Variants in SLC6A13 observed in about 807,000 individuals in gnomAD.
The protein encoded by SLC6A13 is solute carrier family 6 member 13.
Under a neutral mutation model 72.9 loss-of-function variants are expected in SLC6A13, and 69 were observed. The observed-to-expected ratio is 0.95, with a 90% CI of 0.78 to 1.16. The LOEUF (loss-of-function observed/expected upper bound fraction) is 1.16, where lower values mean the gene tolerates loss of function less well. SLC6A13 is among the 50% of genes most tolerant of loss of function. SLC6A13 has a pLI of 0.00. For missense variants in SLC6A13, 735 were observed against 760.5 expected (o/e 0.97, Z 0.39); for synonymous variants, 303 against 303.0 (o/e 1.00, Z 0.00).
Position 259,936 on chromosome 12 carries a change from C to T in SLC6A13, c.117G>A (p.Met39Ile). 6.2e-7 allele frequency: 1 copy of T among 1,614,232 alleles called. No individual in the cohort carries two copies. Among genetic ancestry groups the T allele is most frequent in the Middle Eastern group, 1.6e-4 (1 of 6,062 alleles). The change falls in exon 2 of 15, where the codon ATG (methionine) becomes ATA (isoleucine). Residue 39 changes from methionine (M) to isoleucine (I), a missense_variant. Transcript: ENST00000343164. ...CCCCAGCCACTGACAGCACAAACTC[C>T]ATCTTGTTGTTCCAGTGCCCCCGCT... ...TLERGHWNNKMEFVLSVAGEI... is the reference protein window; with the variant it reads ...TLERGHWNNKIEFVLSVAGEI...
rs755616427 is a variant in SLC6A13 at position 259,956 on chromosome 12, C to G, written c.97G>C (p.Gly33Arg). 2 of 1,614,180 alleles carry G rather than the reference C, an allele frequency of 1.2e-6. No individual in the cohort carries two copies. Among genetic ancestry groups the G allele is most frequent in the East Asian group, 4.5e-5 (2 of 44,888 alleles). ...KKEEDGTLERGHWNNKMEFVL... is the reference protein window; with the variant it reads ...KKEEDGTLERRHWNNKMEFVL... The stretch of plus-strand genomic sequence containing the variant: ...AACTCCATCTTGTTGTTCCAGTGCC[C>G]CCGCTCCAGGGTGCCATCTTCCTCC... Residue 33 changes from glycine to arginine, a missense_variant, in exon 2 of 15, where the codon GGG becomes CGG. Transcript: ENST00000343164.
At chr12:242,378 A>G (rs1942196851) in intron 4 of SLC6A13, among the ~76,000 whole-genome samples, 1 of 152,270 alleles carries the variant, frequency 6.6e-6, no homozygotes, top group Admixed American at 6.5e-5. Flanking sequence ...GCAAATGGCT[A>G]AACAACATAA....
intron 13 of SLC6A13, among the ~76,000 whole-genome samples, chr12:222,123 T>C (rs925086711): frequency 1.3e-5 from 2 of 152,328 alleles, no homozygotes; most frequent in Non-Finnish European, 1.5e-5. Flanking sequence ...GCACTTCCTT[T>C]ATGGGACTCT....
chr12:241,875 C>T (rs531262235), intron 4 of SLC6A13, among the ~76,000 whole-genome samples: 26 of 152,360 alleles, frequency 1.7e-4, no homozygotes, highest in Admixed American at 5.2e-4. Flanking sequence ...AACAGTGGAT[C>T]ACCTGTATGG....
chr12:230,047 T>TCC (rs1025101243), intron 7 of SLC6A13, among the ~76,000 whole-genome samples: 9 of 151,996 alleles, frequency 5.9e-5, no homozygotes, highest in African/African-American at 1.9e-4. Flanking sequence ...AAGCCCCAGC[T>TCC]CCCCACACAG....
Position 261,027 on chromosome 12 carries a change from G to A in SLC6A13, c.-5-970C>T, listed in dbSNP as rs553310529. 2.6e-4 allele frequency among the ~76,000 whole-genome samples: 40 copies of A among 152,306 alleles called. 1 individual carries two copies. The highest frequency in any genetic ancestry group is 1.4e-3 in the Admixed American group (21 of 15,306). ...CCTTCTATGTCTCTCTGAAATCAGC[G>A]TAAGGCAGAGATTTACTATGCGCTC... On this transcript the variant is annotated intron_variant, in intron 1 of 14. Transcript: ENST00000343164.
Position 231,328 on chromosome 12 carries a change from G to A in SLC6A13, c.832-3660C>T, listed in dbSNP as rs188142998. On this transcript the variant is annotated intron_variant, in intron 7 of 14. Coordinates refer to ENST00000343164, the MANE Select transcript of SLC6A13 (RefSeq NM_016615.5). ...TGTCTCTGCCTGGCTCCCCACAACCGGCCTCAGTGCTTGGCAGAGAGATGC... is the reference window on the plus strand; with the variant it reads ...TGTCTCTGCCTGGCTCCCCACAACCAGCCTCAGTGCTTGGCAGAGAGATGC... Among the ~76,000 whole-genome samples, 28 of 152,318 alleles carry A rather than the reference G, an allele frequency of 1.8e-4. No individual in the cohort carries two copies. In the East Asian group the frequency reaches 2.5e-3, roughly 14 times the overall value.
chr12:223,562 T>C (rs555077897), intron 11 of SLC6A13, among the ~76,000 whole-genome samples: 5 of 152,362 alleles, frequency 3.3e-5, no homozygotes, highest in African/African-American at 7.2e-5. Context: ...AGGGCTGTCA[T>C]TGATACTGTC....
chr12:257,954 T>A (rs1276654334), intron 2 of SLC6A13, among the ~76,000 whole-genome samples: 1 of 152,220 alleles, frequency 6.6e-6, no homozygotes, highest in Non-Finnish European at 1.5e-5. Flanking sequence ...GGAGCTAAGC[T>A]GGTTACCAGG....
chr12:220,863 G>C lies in SLC6A13; in HGVS notation c.*85C>G. On this transcript the variant is annotated 3_prime_UTR_variant, in exon 15 of 15. Transcript: ENST00000343164. ...TTATCCACTCCAGGTCGGGGGCAGG[G>C]AAGCACATGGGGCTGCTTCTGCCAC... is the stretch of plus-strand genomic sequence containing the variant. 1 of 1,550,776 alleles carries C rather than the reference G, an allele frequency of 6.4e-7. No homozygotes were observed. The highest frequency in any genetic ancestry group is 8.7e-7 in the Non-Finnish European group (1 of 1,143,146).
At chr12:228,783 C>T (rs1941581891) in intron 7 of SLC6A13, among the ~76,000 whole-genome samples, 1 of 152,184 alleles carries the variant, frequency 6.6e-6, no homozygotes, top group African/African-American at 2.4e-5. Flanking sequence ...GCAGGCTGAC[C>T]ACCTCAGAAT....
chr12:226,385 C>T lies in SLC6A13; in HGVS notation c.1060+5G>A. ...CTGCCTCCAGGCCTCCCCAGTAACACTCACCTGACTCGGCCACCTCAGAAA... is the reference window on the plus strand; with the variant it reads ...CTGCCTCCAGGCCTCCCCAGTAACATTCACCTGACTCGGCCACCTCAGAAA... On this transcript the variant is annotated splice_donor_5th_base_variant and intron_variant, in intron 9 of 14. Coordinates refer to ENST00000343164, the MANE Select transcript of SLC6A13 (RefSeq NM_016615.5). 1 of 1,613,842 alleles carries T rather than the reference C, an allele frequency of 6.2e-7. No individual in the cohort carries two copies. The highest frequency in any genetic ancestry group is 8.5e-7 in the Non-Finnish European group (1 of 1,179,772).
chr12:241,704 A>C (rs1942173878), intron 4 of SLC6A13, among the ~76,000 whole-genome samples: 1 of 152,254 alleles, frequency 6.6e-6, no homozygotes, highest in South Asian at 2.1e-4. Flanking sequence ...GAACATTTTC[A>C]TCATTACAGA....
intron 11 of SLC6A13, 29 bp from the exon 12 acceptor site, chr12:223,263 A>C (rs1257429197): frequency 6.8e-7 from 1 of 1,478,240 alleles, no homozygotes; most frequent in African/African-American, 1.4e-5. Context: ...TTTTAAAAAG[A>C]AGTTTATCCA....
intron 8 of SLC6A13, 173 bp downstream of exon 8, chr12:227,392 C>T (rs1941504728): frequency 1.5e-6 from 1 of 677,378 alleles, no homozygotes; most frequent in Admixed American, 6.3e-5. Context: ...CTCTGTCCAT[C>T]TTGCAGTTGG....
At chr12:240,206 A>G (rs2137292580) in intron 4 of SLC6A13, among the ~76,000 whole-genome samples, 1 of 152,290 alleles carries the variant, frequency 6.6e-6, no homozygotes, top group African/African-American at 2.4e-5. Context: ...AAGTATAATA[A>G]AACAGATTTT....
chr12:226,412 G>C lies in SLC6A13; in HGVS notation c.1038C>G (p.Pro346=), dbSNP rs76709380. The part of the protein sequence containing the change: ...LGFMSQEQGV[P]ISEVAESGPG... ...CACCTGACTCGGCCACCTCAGAAAT[G>C]GGCACCCCCTGCTCCTGAGACATGA... Residue 346 remains proline (P), a synonymous_variant, in exon 9 of 15, where the codon CCC becomes CCG. Transcript: ENST00000343164. 9.9e-4 allele frequency: 1,600 copies of C among 1,614,046 alleles called. 9 individuals are homozygous for C. The highest frequency in any genetic ancestry group is 7.9e-3 in the African/African-American group (596 of 75,036).
chr12:260,155 T>C (rs1942881651), intron 1 of SLC6A13, 98 bp from the exon 2 acceptor site: 2 of 1,299,498 alleles, frequency 1.5e-6, no homozygotes. Flanking sequence ...ATGAATGCAC[T>C]GGAAGAGGTG....
At chr12:236,316 C>T (rs1038858302) in intron 6 of SLC6A13, among the ~76,000 whole-genome samples, 2 of 152,210 alleles carry the variant, frequency 1.3e-5, no homozygotes, top group South Asian at 2.1e-4. Context: ...AGGTGGGCAT[C>T]GTGGCCCTAC....
Sources: gnomAD v4.1 joint callset for allele counts (sites outside exome capture counted in the v4.1 genomes callset) on GRCh38, gnomAD v4.1.1 for gene constraint, MANE v1.5 for transcripts, NCBI Gene and HGNC (gene_info 2026-07-23, HGNC 2026-07-21) for gene names.